PRKG1: variants seen among roughly 807,000 people sequenced by gnomAD.
PRKG1 encodes the protein cGMP-dependent protein kinase 1.
Under a neutral mutation model 88.1 loss-of-function variants are expected in PRKG1, and 35 were observed. The observed-to-expected ratio is 0.40, with a 90% CI of 0.30 to 0.53. The LOEUF (loss-of-function observed/expected upper bound fraction) is 0.53, where lower values mean the gene tolerates loss of function less well. Ranked by LOEUF, PRKG1 falls within the 20% of genes least tolerant of loss-of-function variation. PRKG1 has a pLI of 0.59. For synonymous variants in PRKG1, 303 were observed against 292.5 expected (o/e 1.04, Z -0.37); for missense variants, 540 against 839.8 (o/e 0.64, Z 4.41).
intron 2 of PRKG1, among the ~76,000 whole-genome samples, chr10:51,466,918 A>T (rs187290482): frequency 1.3e-5 from 2 of 152,170 alleles, no homozygotes; most frequent in East Asian, 3.9e-4. Context: ...TCAGTCAAGA[A>T]TGGATTGTGT....
intron 2 of PRKG1, among the ~76,000 whole-genome samples, chr10:51,281,117 C>T (rs1840282208): frequency 6.6e-6 from 1 of 152,220 alleles, no homozygotes; most frequent in South Asian, 2.1e-4. Context: ...TTGGAGTTTG[C>T]TGGACGTCCA....
chr10:52,083,352 A>G (rs566979241), intron 7 of PRKG1, among the ~76,000 whole-genome samples: 8 of 152,232 alleles, frequency 5.3e-5, no homozygotes, highest in African/African-American at 1.9e-4. Flanking sequence ...AATTATCTTG[A>G]TAATATATTT....
chr10:51,592,407 T>TA (rs2132210048), intron 3 of PRKG1, among the ~76,000 whole-genome samples: 1 of 152,294 alleles, frequency 6.6e-6, no homozygotes, highest in South Asian at 2.1e-4. Flanking sequence ...CCCTAGAAAG[T>TA]ACAATCTTTG....
At chr10:51,963,080 T>G (rs141793218) in intron 5 of PRKG1, among the ~76,000 whole-genome samples, 1,762 of 152,238 alleles carry the variant, frequency 0.012, 25 homozygotes, top group African/African-American at 0.039. Flanking sequence ...CACAAACTTT[T>G]TTTTTGCAAT....
At chr10:51,162,194 G>T (rs891536729) in intron 2 of PRKG1, among the ~76,000 whole-genome samples, 3 of 152,108 alleles carry the variant, frequency 2.0e-5, no homozygotes, top group Admixed American at 2.0e-4. Flanking sequence ...CCACTTCCCA[G>T]CACAGGGGAG....
intron 1 of PRKG1, among the ~76,000 whole-genome samples, chr10:51,102,408 T>C (rs1409881684): frequency 6.6e-6 from 1 of 151,826 alleles, no homozygotes. Context: ...TTTATTACTG[T>C]AAGTTTAAAA....
At chr10:51,385,446 A>G (rs1837225902) in intron 2 of PRKG1, among the ~76,000 whole-genome samples, 1 of 152,234 alleles carries the variant, frequency 6.6e-6, no homozygotes, top group Non-Finnish European at 1.5e-5. Context: ...GCAATTTTTT[A>G]ACCCAATCCA....
At position 52,257,663 on chromosome 10, in the gene PRKG1, T is replaced by A. The variant is rs1448580773; in HGVS notation, c.1173+5997T>A. ...TACTGGTTGAAACTGAAAGTTTGCT[T>A]CATTTTAACACAGCCTCTTCTTTAG... On this transcript the variant is annotated intron_variant, in intron 10 of 17. Coordinates refer to ENST00000373980, the MANE Select transcript of PRKG1 (RefSeq NM_006258.4). Among the ~76,000 whole-genome samples, 3 of 140,000 alleles carry A rather than the reference T, an allele frequency of 2.1e-5. 1 individual carries two copies. The highest frequency in any genetic ancestry group is 4.9e-5 in the African/African-American group (2 of 40,450). The allele number at this position is 140,000 out of a possible 152,430, so 91.8% of individuals were successfully genotyped here. A position where few individuals can be genotyped will look rare whatever the true frequency, so the allele number is the denominator to read the frequency against.
chr10:52,067,298 A>G (rs1589574896), intron 7 of PRKG1, among the ~76,000 whole-genome samples: 1 of 152,152 alleles, frequency 6.6e-6, no homozygotes, highest in South Asian at 2.1e-4. Flanking sequence ...ATTTGTGTGT[A>G]CTCGGAATTT....
chr10:52,196,376 A>G (rs1420585455), intron 9 of PRKG1, among the ~76,000 whole-genome samples: 1 of 152,216 alleles, frequency 6.6e-6, no homozygotes, highest in East Asian at 1.9e-4. Flanking sequence ...ATTACCTAAA[A>G]GATGCATTCA....
In PRKG1 at chr10:51,728,453, G is replaced by GTTTTTT. The variant is rs56975031; in HGVS notation, c.593-76110_593-76105dup. Among the ~76,000 whole-genome samples, 7 of 58,810 alleles carry GTTTTTT rather than the reference G, an allele frequency of 1.2e-4. 1 individual carries two copies. Among genetic ancestry groups the GTTTTTT allele is most frequent in the African/African-American group, 1.9e-4 (3 of 16,164 alleles). 38.6% of individuals were successfully genotyped at this position (58,810 alleles called of 152,430 possible). A position where few individuals can be genotyped will look rare whatever the true frequency, so the allele number is the denominator to read the frequency against. On this transcript the variant is annotated intron_variant, in intron 3 of 17. Coordinates refer to ENST00000373980, the MANE Select transcript of PRKG1 (RefSeq NM_006258.4). Reference sequence around the variant, plus strand: ...AATAGCAAAATTCCATTTTTTCTTTGTTTTTTTTTTTTTTTTTTTTTTTTT... The same window carrying GTTTTTT: ...AATAGCAAAATTCCATTTTTTCTTTGTTTTTTTTTTTTTTTTTTTTTTTTTTTTTTT...
chr10:52,128,094 T>A (rs1278312296), intron 7 of PRKG1: 1 of 985,196 alleles, frequency 1.0e-6, no homozygotes, highest in African/African-American at 1.7e-5. Flanking sequence ...TGAAAAGAAT[T>A]TGCTTTGTGC....
At chr10:51,866,767 A>G (rs748586341) in intron 4 of PRKG1, among the ~76,000 whole-genome samples, 2 of 152,188 alleles carry the variant, frequency 1.3e-5, no homozygotes, top group Non-Finnish European at 2.9e-5. Flanking sequence ...AGTTCAGGCA[A>G]GAAGTGTTTG....
chr10:51,414,350 CT>C (rs1355827576), intron 2 of PRKG1, among the ~76,000 whole-genome samples: 1 of 152,180 alleles, frequency 6.6e-6, no homozygotes, highest in African/African-American at 2.4e-5. Context: ...ATAACCACTG[CT>C]GGATTTGTAA....
intron 4 of PRKG1, among the ~76,000 whole-genome samples, chr10:51,894,438 G>A (rs568422670): frequency 2.6e-5 from 4 of 152,146 alleles, no homozygotes; most frequent in African/African-American, 7.2e-5. Context: ...ATTTCAGCTG[G>A]TAATGTTGAA....
chr10:51,859,967 T>G (rs924366264), intron 4 of PRKG1, among the ~76,000 whole-genome samples: 7 of 152,182 alleles, frequency 4.6e-5, no homozygotes, highest in African/African-American at 1.7e-4. Flanking sequence ...CATATATAGT[T>G]CTACGTATGT....
chr10:52,104,697 A>G (rs1264959897), intron 7 of PRKG1, among the ~76,000 whole-genome samples: 1 of 152,240 alleles, frequency 6.6e-6, no homozygotes, highest in Non-Finnish European at 1.5e-5. Flanking sequence ...TGTCTTTAAG[A>G]TATAGTTCAA....
chr10:51,293,070 T>C (rs1211223537), intron 2 of PRKG1, among the ~76,000 whole-genome samples: 1 of 152,056 alleles, frequency 6.6e-6, no homozygotes, highest in Non-Finnish European at 1.5e-5. Flanking sequence ...TGAGGTATGA[T>C]TGAAAAACGA....
At chr10:52,127,671 A>T (rs1217836757) in intron 7 of PRKG1, among the ~76,000 whole-genome samples, 5 of 152,188 alleles carry the variant, frequency 3.3e-5, no homozygotes, top group African/African-American at 1.2e-4. Context: ...AGGGTCCTAA[A>T]GTGATGATGA....
Sources: gnomAD v4.1 joint callset for allele counts (sites outside exome capture counted in the v4.1 genomes callset) on GRCh38, gnomAD v4.1.1 for gene constraint, MANE v1.5 for transcripts, NCBI Gene and HGNC (gene_info 2026-07-23, HGNC 2026-07-21) for gene names.